LNX1: variants seen among roughly 807,000 people sequenced by gnomAD.
The protein encoded by LNX1 is ligand of numb-protein X 1.
A neutral mutation model predicts 68.4 loss-of-function variants in LNX1; 54 were observed. That is an observed-to-expected ratio of 0.79 (90% CI 0.63 to 0.99). The LOEUF (loss-of-function observed/expected upper bound fraction) is 0.99, where lower values mean the gene tolerates loss of function less well. Ranked by LOEUF, LNX1 falls within the 50% of genes least tolerant of loss-of-function variation. LNX1 has a pLI of 0.00. For synonymous variants in LNX1, 336 were observed against 350.0 expected, an observed-to-expected ratio of 0.96 and a Z score of 0.45; for missense variants, 906 against 926.4, an observed-to-expected ratio of 0.98 and a Z score of 0.29.
intron 2 of LNX1, among the ~76,000 whole-genome samples, chr4:53,511,924 A>G (rs1428947283): frequency 6.6e-6 from 1 of 152,212 alleles, no homozygotes; most frequent in African/African-American, 2.4e-5. Context: ...GTGAACCTCA[A>G]TACTCACCAA....
intron 1 of LNX1, among the ~76,000 whole-genome samples, chr4:53,636,398 G>A (rs558141078): frequency 2.6e-5 from 4 of 152,150 alleles, no homozygotes; most frequent in African/African-American, 4.8e-5. Flanking sequence ...CAGGAGAAAT[G>A]CTGGCAGAGG....
Position 53,478,644 on chromosome 4 carries a change from A to C in LNX1, c.1584T>G (p.His528Gln). The C allele has an allele frequency of 6.2e-7, 1 of 1,614,068 alleles. No homozygotes were observed. The highest frequency in any genetic ancestry group is 1.1e-5 in the South Asian group (1 of 91,076). The change falls in exon 8 of 11, where the codon CAT becomes CAG. Residue 528 changes from histidine to glutamine, a missense_variant. Coordinates refer to ENST00000263925, the MANE Select transcript of LNX1 (RefSeq NM_001126328.3). ...CATAGATAGGCAAATCCCATTCTCT[A>C]TGTGATGCTCCCCCTGCGACGGTCA... Reference protein sequence around the residue: ...LGMTVAGGASHREWDLPIYVI... With the variant: ...LGMTVAGGASQREWDLPIYVI...
chr4:53,467,096 T>G (rs1329922566), intron 9 of LNX1, among the ~76,000 whole-genome samples: 1 of 152,022 alleles, frequency 6.6e-6, no homozygotes, highest in Non-Finnish European at 1.5e-5. Flanking sequence ...CACCCCCCAG[T>G]AGGGGCGGAC....
chr4:53,463,637 T>G (rs1159754322), intron 9 of LNX1, among the ~76,000 whole-genome samples: 9 of 71,794 alleles, frequency 1.3e-4, no homozygotes, highest in African/African-American at 4.4e-4. Flanking sequence ...TTTAGGCCTA[T>G]CGAAGATTTG....
At chr4:53,631,058 A>C (rs1414559410) in intron 1 of LNX1, among the ~76,000 whole-genome samples, 2 of 152,194 alleles carry the variant, frequency 1.3e-5, no homozygotes, top group Non-Finnish European at 2.9e-5. Flanking sequence ...CCAAAAGTAC[A>C]GTTCTATGGA....
intron 1 of LNX1, among the ~76,000 whole-genome samples, chr4:53,582,577 T>G (rs1331943943): frequency 6.6e-6 from 1 of 152,258 alleles, no homozygotes; most frequent in Non-Finnish European, 1.5e-5. Context: ...ATTTAAAAGT[T>G]ATTCAAAATA....
chr4:53,602,144 C>T (rs1733043467), intron 2 of LNX1, among the ~76,000 whole-genome samples: 1 of 152,092 alleles, frequency 6.6e-6, no homozygotes, highest in South Asian at 2.1e-4. Flanking sequence ...TGCAGAAACC[C>T]AAGGTAGTGA....
intron 2 of LNX1, among the ~76,000 whole-genome samples, chr4:53,519,268 A>G (rs1324626264): frequency 1.3e-5 from 2 of 152,192 alleles, no homozygotes; most frequent in Admixed American, 6.5e-5. Flanking sequence ...ACCTTAGTCC[A>G]GGCACTCATA....
At chr4:53,576,312 G>A (rs564622709) in intron 1 of LNX1, 2 of 1,612,994 alleles carry the variant, frequency 1.2e-6, no homozygotes, top group African/African-American at 1.3e-5. Context: ...TCCAGGAGCT[G>A]CGGTACAGCG....
At chr4:53,478,442 C>A in intron 8 of LNX1, 123 bp downstream of exon 8, 1 of 859,882 alleles carries the variant, frequency 1.2e-6, no homozygotes, top group Admixed American at 2.9e-5. Flanking sequence ...CAATGGGTAA[C>A]AAAAGTCCTG....
chr4:53,510,134 A>G (rs969154513), intron 2 of LNX1, among the ~76,000 whole-genome samples: 5 of 152,264 alleles, frequency 3.3e-5, no homozygotes, highest in African/African-American at 1.2e-4. Context: ...TTTGTTATTG[A>G]GAACATTCAA....
intron 7 of LNX1, among the ~76,000 whole-genome samples, chr4:53,481,269 A>G (rs926402536): frequency 6.6e-5 from 10 of 152,214 alleles, no homozygotes; most frequent in African/African-American, 2.4e-4. Context: ...TCAAGTGTTT[A>G]AATTATCTTC....
intron 2 of LNX1, among the ~76,000 whole-genome samples, chr4:53,546,600 G>T (rs2109680847): frequency 6.6e-6 from 1 of 152,236 alleles, no homozygotes; most frequent in Non-Finnish European, 1.5e-5. Context: ...AAATTATTAG[G>T]CCTTAGTTTC....
At chr4:53,521,736 G>A (rs1040821747) in intron 2 of LNX1, among the ~76,000 whole-genome samples, 14 of 152,278 alleles carry the variant, frequency 9.2e-5, no homozygotes, top group Admixed American at 4.6e-4. Flanking sequence ...TGCAGGAAAT[G>A]CTATTATATT....
At chr4:53,610,842 T>G (rs1733463506) in intron 2 of LNX1, among the ~76,000 whole-genome samples, 1 of 151,634 alleles carries the variant, frequency 6.6e-6, no homozygotes, top group African/African-American at 2.4e-5. Flanking sequence ...TAATAGGATA[T>G]ATAAATAAAT....
At chr4:53,628,522 T>C (rs1734156459) in intron 1 of LNX1, among the ~76,000 whole-genome samples, 1 of 152,126 alleles carries the variant, frequency 6.6e-6, no homozygotes, top group South Asian at 2.1e-4. Flanking sequence ...AAAAGGGGAA[T>C]GCTGGCTGGA....
chr4:53,478,614 G>C lies in LNX1; in HGVS notation c.1614C>G (p.Ile538Met), dbSNP rs373637202. ...TTATGACTCCTCCGGGCTCAACACT[G>C]ATGACATAGATAGGCAAATCCCATT... The part of the protein sequence containing the change: ...HREWDLPIYV[I>M]SVEPGGVISR... Residue 538 changes from isoleucine (I) to methionine (M), a missense_variant, in exon 8 of 11, where the codon ATC becomes ATG. By Grantham distance (10) the Ile-to-Met change is conservative. Transcript: ENST00000263925. 12 of 1,613,812 alleles carry C rather than the reference G, an allele frequency of 7.4e-6. No individual in the cohort carries two copies. The highest frequency in any genetic ancestry group is 9.3e-6 in the Non-Finnish European group (11 of 1,179,952).
At chr4:53,615,091 G>A (rs1250307982) in intron 2 of LNX1, among the ~76,000 whole-genome samples, 1 of 152,098 alleles carries the variant, frequency 6.6e-6, no homozygotes, top group Non-Finnish European at 1.5e-5. Context: ...AGAAACAGTA[G>A]AGATAATTAC....
chr4:53,632,498 T>G (rs1463140410), intron 1 of LNX1, among the ~76,000 whole-genome samples: 2 of 152,220 alleles, frequency 1.3e-5, no homozygotes, highest in Non-Finnish European at 2.9e-5. Flanking sequence ...ATCGACTGAC[T>G]AGGGTACAAA....
Sources: gnomAD v4.1 joint callset for allele counts (sites outside exome capture counted in the v4.1 genomes callset) on GRCh38, gnomAD v4.1.1 for gene constraint, MANE v1.5 for transcripts, NCBI Gene and HGNC (gene_info 2026-07-23, HGNC 2026-07-21) for gene names.